The following ITPRID1 variants were observed in gnomAD, a reference collection of about 807,000 sequenced individuals.
ITPRID1 encodes the protein ITPR interacting domain containing 1.
ITPRID1 carries 96 observed loss-of-function variants against 95.4 expected under a neutral mutation model. The ratio of observed to expected loss-of-function variants is 1.01; its 90% CI spans 0.85 to 1.19. The LOEUF (loss-of-function observed/expected upper bound fraction) is 1.19. Ranked by LOEUF, ITPRID1 falls within the 50% of genes most tolerant of loss-of-function variation. The pLI is 0.00. For synonymous variants in ITPRID1, 510 were observed against 453.6 expected (o/e 1.12, Z -1.58); for missense variants, 1,339 against 1,252.9 (o/e 1.07, Z -1.04).
At chr7:31,638,870 A>G (rs1789737864) in intron 10 of ITPRID1, among the ~76,000 whole-genome samples, 1 of 152,066 alleles carries the variant, frequency 6.6e-6, no homozygotes, top group Admixed American at 6.6e-5. Context: ...TCCACCTCCC[A>G]GGTTCGAGCA....
intron 5 of ITPRID1, among the ~76,000 whole-genome samples, chr7:31,563,111 C>A (rs1177894445): frequency 6.6e-6 from 1 of 152,138 alleles, no homozygotes; most frequent in African/African-American, 2.4e-5. Flanking sequence ...AAGATATTGT[C>A]AGACTGGGAA....
intron 10 of ITPRID1, among the ~76,000 whole-genome samples, chr7:31,616,588 C>T (rs1787253193): frequency 6.6e-6 from 1 of 152,116 alleles, no homozygotes; most frequent in African/African-American, 2.4e-5. Context: ...TTCATCATCT[C>T]ATTGATTCCA....
At chr7:31,658,214 A>G, downstream of ITPRID1, 1 of 1,431,038 alleles carries the variant, frequency 7.0e-7, no homozygotes. Flanking sequence ...ACAGAAGAAC[A>G]CTTCCCAGAA....
In ITPRID1 at chr7:31,533,882, A is replaced by G. The variant is rs1365127500; in HGVS notation, c.-97-15544A>G. Among the ~76,000 whole-genome samples, 5 of 152,272 alleles carry G rather than the reference A, an allele frequency of 3.3e-5. No homozygotes were observed. In the East Asian group the frequency reaches 9.7e-4, roughly 29 times the overall value. On this transcript the variant is annotated intron_variant, in intron 1 of 14. Transcript: ENST00000615280. ...TATGGCCCAGTAGATGGTCTAGGTC[A>G]GGGGTCCCCAACCCCAGGCTGTGGA...
At chr7:31,658,575 A>G, downstream of ITPRID1, 1 of 383,218 alleles carries the variant, frequency 2.6e-6, no homozygotes. Flanking sequence ...TTAAAACAAC[A>G]AATTGTTCAT....
At chr7:31,646,786 T>G (rs979316775) in intron 12 of ITPRID1, among the ~76,000 whole-genome samples, 3 of 151,870 alleles carry the variant, frequency 2.0e-5, no homozygotes, top group African/African-American at 7.3e-5. Context: ...CAAGTAGGAG[T>G]TTGAATGGGT....
At chr7:31,551,052 A>G (rs965643113) in intron 2 of ITPRID1, among the ~76,000 whole-genome samples, 3 of 143,504 alleles carry the variant, frequency 2.1e-5, no homozygotes, top group South Asian at 2.3e-4. Context: ...AGCCAAAATC[A>G]GTGAAGGAGT....
rs562380759 is a variant in ITPRID1 at position 31,542,029 on chromosome 7, T to A, written c.-97-7397T>A. Among the ~76,000 whole-genome samples, 17 of 152,316 alleles carry A rather than the reference T, an allele frequency of 1.1e-4. No homozygotes were observed. The South Asian group carries it at 3.5e-3, about 32-fold the overall frequency. Reference sequence around the variant, plus strand: ...TTTATTTTATTCAACTTAAAACAATTCTTTAGCCTTTTAATGTAGGTAAAA... The same window carrying A: ...TTTATTTTATTCAACTTAAAACAATACTTTAGCCTTTTAATGTAGGTAAAA... On this transcript the variant is annotated intron_variant, in intron 1 of 14. Transcript: ENST00000615280.
intron 13 of ITPRID1, among the ~76,000 whole-genome samples, chr7:31,651,704 T>G (rs1029025376): frequency 1.3e-5 from 2 of 152,116 alleles, no homozygotes; most frequent in Non-Finnish European, 2.9e-5. Flanking sequence ...TTTGGTAAAT[T>G]TATTAAAAAT....
chr7:31,617,837 GA>G (rs1787411478), intron 10 of ITPRID1, among the ~76,000 whole-genome samples: 1 of 152,118 alleles, frequency 6.6e-6, no homozygotes, highest in South Asian at 2.1e-4. Flanking sequence ...AGTTTCAGAA[GA>G]AAACATTTGA....
intron 12 of ITPRID1, among the ~76,000 whole-genome samples, chr7:31,647,507 C>A (rs1405958725): frequency 5.0e-5 from 7 of 139,780 alleles, no homozygotes; most frequent in Non-Finnish European, 6.1e-5. Flanking sequence ...ATTAAAACTA[C>A]AAAAAAAAAA....
At chr7:31,590,047 T>C (rs1195460375) in intron 10 of ITPRID1, among the ~76,000 whole-genome samples, 2 of 152,096 alleles carry the variant, frequency 1.3e-5, no homozygotes, top group East Asian at 1.9e-4. Flanking sequence ...TACATATATA[T>C]GTGTGTATAT....
chr7:31,520,016 A>G (rs888026763), intron 1 of ITPRID1, among the ~76,000 whole-genome samples: 1 of 151,522 alleles, frequency 6.6e-6, no homozygotes, highest in Non-Finnish European at 1.5e-5. Flanking sequence ...TAGTTGGTAC[A>G]TCTCCTTAGG....
At chr7:31,600,763 G>A (rs1411158727) in intron 10 of ITPRID1, among the ~76,000 whole-genome samples, 5 of 152,068 alleles carry the variant, frequency 3.3e-5, no homozygotes, top group Non-Finnish European at 7.4e-5. Flanking sequence ...GAGTGTACCC[G>A]GAAGATCATA....
intron 1 of ITPRID1, among the ~76,000 whole-genome samples, chr7:31,519,616 CTCTCTA>C (rs1301252727): frequency 0.03 from 1,136 of 38,254 alleles, 6 homozygotes; most frequent in Non-Finnish European, 0.038. Flanking sequence ...CTCTCTCTCT[CTCTCTA>C]TATATATATA....
Position 31,578,006 on chromosome 7 carries a change from G to A in ITPRID1, c.742G>A (p.Glu248Lys), listed in dbSNP as rs745610581. 23 of 1,613,748 alleles carry A rather than the reference G, an allele frequency of 1.4e-5. No homozygotes were observed. Among genetic ancestry groups the A allele is most frequent in the Admixed American group, 1.7e-5 (1 of 59,970 alleles). ...VQRTSVSAAKEHRRRMGKLLR... is the reference protein window; with the variant it reads ...VQRTSVSAAKKHRRRMGKLLR... ...AAGAACCTCAGTGAGTGCCGCCAAAGAGCATCGAAGAAGAATGGGTAAACT... is the reference window on the plus strand; with the variant it reads ...AAGAACCTCAGTGAGTGCCGCCAAAAAGCATCGAAGAAGAATGGGTAAACT... The change falls in exon 9 of 15, where the codon GAG (glutamate) becomes AAG (lysine). Residue 248 changes from glutamate to lysine, a missense_variant. Glu to Lys is a moderately conservative substitution (Grantham distance 56). Transcript: ENST00000615280.
At chr7:31,549,240 A>T (rs1349301216) in intron 1 of ITPRID1, among the ~76,000 whole-genome samples, 186 bp from the exon 2 acceptor site, 1 of 152,174 alleles carries the variant, frequency 6.6e-6, no homozygotes. Flanking sequence ...AACTCATCTC[A>T]GGGAAATCCA....
intron 10 of ITPRID1, among the ~76,000 whole-genome samples, chr7:31,625,690 TGCAGCG>T: frequency 6.6e-6 from 1 of 152,192 alleles, no homozygotes; most frequent in East Asian, 1.9e-4. Context: ...AGTTAGTGGG[TGCAGCG>T]CACCAACATG....
At chr7:31,639,583 C>T (rs2094449105) in intron 10 of ITPRID1, among the ~76,000 whole-genome samples, 1 of 144,172 alleles carries the variant, frequency 6.9e-6, no homozygotes, top group African/African-American at 2.6e-5. Context: ...GTCTCCCAGG[C>T]TGGAGTGCAG....
Sources: gnomAD v4.1 joint callset for allele counts (sites outside exome capture counted in the v4.1 genomes callset) on GRCh38, gnomAD v4.1.1 for gene constraint, MANE v1.5 for transcripts, NCBI Gene and HGNC (gene_info 2026-07-23, HGNC 2026-07-21) for gene names.